The following ATP2A1 variants were observed in gnomAD, a reference collection of about 807,000 sequenced individuals.
ATP2A1 encodes the protein sarcoplasmic/endoplasmic reticulum calcium ATPase 1.
Under a neutral mutation model 109.5 loss-of-function variants are expected in ATP2A1, and 83 were observed. The observed-to-expected ratio is 0.76, with a 90% CI of 0.63 to 0.91. The LOEUF is 0.91. Among genes scored for constraint, ATP2A1 ranks in the 40% least tolerant of loss-of-function variants. The probability of loss-of-function intolerance (pLI) is 0.00; values close to 1 mark genes in which losing one functional copy is unlikely to be tolerated. For missense variants in ATP2A1, 1,101 were observed against 1,341.0 expected, an observed-to-expected ratio of 0.82 and a Z score of 2.80; for synonymous variants, 505 against 537.6, an observed-to-expected ratio of 0.94 and a Z score of 0.84.
Position 28,880,078 on chromosome 16 carries a change from A to C in ATP2A1, c.219+495A>C, listed in dbSNP as rs563737684. 40 of 999,108 alleles carry C rather than the reference A, an allele frequency of 4.0e-5. No homozygotes were observed. Among genetic ancestry groups the C allele is most frequent in the Non-Finnish European group, 4.6e-5 (39 of 840,964 alleles). The allele number at this position is 999,108 out of a possible 1,614,324, so 61.9% of individuals were successfully genotyped here. A position where few individuals can be genotyped will look rare whatever the true frequency, so the allele number is the denominator to read the frequency against. ...AGCGCGGCGGTGTGATGATGACTCCAAGGAGCCCGGCGCCCGGTCAGGGAG... is the reference window on the plus strand; with the variant it reads ...AGCGCGGCGGTGTGATGATGACTCCCAGGAGCCCGGCGCCCGGTCAGGGAG... On this transcript the variant is annotated intron_variant, in intron 3 of 22. Transcript: ENST00000395503. This position sits in a 1 kb window ranked among gnomAD's most constrained non-coding sequence, Gnocchi z 4.2.
intron 9 of ATP2A1, among the ~76,000 whole-genome samples, chr16:28,889,528 G>A (rs986012392): frequency 2.6e-5 from 4 of 152,198 alleles, no homozygotes; most frequent in African/African-American, 7.2e-5. Context: ...AAAGTGCTGG[G>A]ATGATAGGTG....
intron 15 of ATP2A1, among the ~76,000 whole-genome samples, chr16:28,901,316 G>C (rs1964065697): frequency 2.1e-5 from 3 of 143,162 alleles, no homozygotes; most frequent in African/African-American, 7.9e-5. Context: ...GCAATAGAGT[G>C]AGACCCTGTC....
chr16:28,881,408 T>C (rs1226922454), intron 4 of ATP2A1: 5 of 296,368 alleles, frequency 1.7e-5, no homozygotes, highest in Non-Finnish European at 3.3e-5. Flanking sequence ...CTTCCTGGTT[T>C]GTTTTGTTTT....
chr16:28,887,967 A>AT (rs899972546), intron 8 of ATP2A1, among the ~76,000 whole-genome samples: 1 of 151,670 alleles, frequency 6.6e-6, no homozygotes, highest in Non-Finnish European at 1.5e-5. Flanking sequence ...TGCCTGGCTA[A>AT]TTTTTTTATA....
rs769894660 is a variant in ATP2A1 at position 28,900,228 on chromosome 16, T to C, written c.1765-353T>C. On this transcript the variant is annotated intron_variant, in intron 14 of 22. Coordinates refer to ENST00000395503, the MANE Select transcript of ATP2A1 (RefSeq NM_004320.6). Reference sequence around the variant, plus strand: ...AGGTAGGAGGATCGCTTGAGCCTGGTAGATTGAGGCTGCAGTGAGCTATGA... The same window carrying C: ...AGGTAGGAGGATCGCTTGAGCCTGGCAGATTGAGGCTGCAGTGAGCTATGA... Among the ~76,000 whole-genome samples the C allele has an allele frequency of 4.0e-5, 6 of 149,386 alleles. No homozygotes were observed. The East Asian group carries it at 1.2e-3, about 30-fold the overall frequency.
Position 28,878,543 on chromosome 16 carries a change from G to A in ATP2A1, c.-129G>A. ...AGCTTTGTGGAGGGAAGAAAAACCT[G>A]GAGGGGGCAGGAGAGTAAAAAGAAG... On this transcript the variant is annotated 5_prime_UTR_variant, in exon 1 of 23. Transcript: ENST00000395503. 1 of 835,544 alleles carries A rather than the reference G, an allele frequency of 1.2e-6. No homozygotes were observed. The highest frequency in any genetic ancestry group is 2.0e-6 in the Non-Finnish European group (1 of 505,946). 51.8% of individuals were successfully genotyped at this position (835,544 alleles called of 1,614,324 possible).
In ATP2A1 at chr16:28,903,861, C is replaced by A; in HGVS notation, c.*37+120C>A. ...TCGCAGCTCCACCTGGAGCCGTTGC[C>A]ACTGCTGCTGCTGCGCTTCCAGTCA... On this transcript the variant is annotated intron_variant, in intron 22 of 22. Coordinates refer to ENST00000395503, the MANE Select transcript of ATP2A1 (RefSeq NM_004320.6). The surrounding 1 kb of genome is among the most constrained non-coding windows in gnomAD (Gnocchi z 5.6). 1.0e-6 allele frequency: 1 copy of A among 1,003,544 alleles called. No individual in the cohort carries two copies. Among genetic ancestry groups the A allele is most frequent in the Non-Finnish European group, 1.6e-6 (1 of 638,336 alleles). The allele number at this position is 1,003,544 out of a possible 1,614,324, so 62.2% of individuals were successfully genotyped here. A position where few individuals can be genotyped will look rare whatever the true frequency, so the allele number is the denominator to read the frequency against.
In ATP2A1 at chr16:28,878,749, G is replaced by A. The variant is rs886051878; in HGVS notation, c.78G>A (p.Pro26=). ...FGVSETTGLT[P]DQVKRNLEKY... is the part of the protein sequence containing the mutation. ...TGAGTGAGACCACGGGCCTCACCCC[G>A]GACCAAGTTAAGCGGAATCTGGAGA... The change falls in exon 1 of 23, where the codon CCG becomes CCA. Residue 26 remains proline, a synonymous_variant. Transcript: ENST00000395503. 3 of 1,613,738 alleles carry A rather than the reference G, an allele frequency of 1.9e-6. No individual in the cohort carries two copies. Among genetic ancestry groups the A allele is most frequent in the East Asian group, 4.5e-5 (2 of 44,880 alleles).
In ATP2A1 at chr16:28,878,572, C is replaced by A; in HGVS notation, c.-100C>A. On this transcript the variant is annotated 5_prime_UTR_variant, in exon 1 of 23. Transcript: ENST00000395503. ...GGGGCAGGAGAGTAAAAAGAAGAAACCCAGGCAGACAGGCAGTTGGACACA... is the reference window on the plus strand; with the variant it reads ...GGGGCAGGAGAGTAAAAAGAAGAAAACCAGGCAGACAGGCAGTTGGACACA... The A allele has an allele frequency of 9.7e-7, 1 of 1,030,058 alleles. No homozygotes were observed. Among genetic ancestry groups the A allele is most frequent in the East Asian group, 2.6e-5 (1 of 38,568 alleles). 63.8% of individuals were successfully genotyped at this position (1,030,058 alleles called of 1,614,324 possible).
chr16:28,903,588 G>A lies in ATP2A1; in HGVS notation c.2981-112G>A. ...CCGCCCCGTTCCCCCTGCGCCTGCA[G>A]GGGCCACATCTCCGGGGCAGCCCCA... On this transcript the variant is annotated intron_variant, in intron 21 of 22. Coordinates refer to ENST00000395503, the MANE Select transcript of ATP2A1 (RefSeq NM_004320.6). The surrounding 1 kb of genome is among the most constrained non-coding windows in gnomAD (Gnocchi z 5.6). The A allele has an allele frequency of 2.5e-6, 3 of 1,200,014 alleles. No homozygotes were observed. Among genetic ancestry groups the A allele is most frequent in the South Asian group, 2.4e-5 (2 of 82,798 alleles). 74.3% of individuals were successfully genotyped at this position (1,200,014 alleles called of 1,614,324 possible).
In ATP2A1 at chr16:28,904,216, G is replaced by T; in HGVS notation, c.*74G>T. On this transcript the variant is annotated 3_prime_UTR_variant, in exon 23 of 23. Transcript: ENST00000395503. ...GAAAGAAGGAAGTGAGCATCCTTTT[G>T]CTCTGTCCTCCCCACCCCGATAGTG... 3 of 1,613,654 alleles carry T rather than the reference G, an allele frequency of 1.9e-6. No homozygotes were observed. Among genetic ancestry groups the T allele is most frequent in the Non-Finnish European group, 2.5e-6 (3 of 1,179,746 alleles).
Position 28,900,589 on chromosome 16 carries a change from G to C in ATP2A1, c.1773G>C (p.Leu591=). ...CTGCTGTATCTCCCCAGACGGACCTGACATTCGTGGGTGTAGTGGGCATGC... is the reference window on the plus strand; with the variant it reads ...CTGCTGTATCTCCCCAGACGGACCTCACATTCGTGGGTGTAGTGGGCATGC... The part of the protein sequence containing the change: ...SARFLEYETD[L]TFVGVVGMLD... Residue 591 remains leucine, a synonymous_variant, in exon 15 of 23, where the codon CTG becomes CTC. Coordinates refer to ENST00000395503, the MANE Select transcript of ATP2A1 (RefSeq NM_004320.6). The C allele has an allele frequency of 6.4e-7, 1 of 1,564,740 alleles. No homozygotes were observed.
chr16:28,879,375 G>A, intron 2 of ATP2A1, 126 bp from the exon 3 acceptor site: 1 of 986,500 alleles, frequency 1.0e-6, no homozygotes, highest in Non-Finnish European at 1.6e-6. Flanking sequence ...GCCCTTCTCT[G>A]GGCACCAAGC....
chr16:28,880,020 G>T lies in ATP2A1; in HGVS notation c.219+437G>T. ...CTCCCCAGCCTCCTGACGCTGATTG[G>T]TCGAGGGGAGGACTCGCTCCTAGTG... On this transcript the variant is annotated intron_variant, in intron 3 of 22. Transcript: ENST00000395503. The surrounding 1 kb of genome is among the most constrained non-coding windows in gnomAD (Gnocchi z 4.2). 1 of 1,012,422 alleles carries T rather than the reference G, an allele frequency of 9.9e-7. No homozygotes were observed. The highest frequency in any genetic ancestry group is 1.2e-6 in the Non-Finnish European group (1 of 850,302). 62.7% of individuals were successfully genotyped at this position (1,012,422 alleles called of 1,614,324 possible). A position where few individuals can be genotyped will look rare whatever the true frequency, so the allele number is the denominator to read the frequency against.
chr16:28,888,013 G>A (rs569540960), intron 8 of ATP2A1, among the ~76,000 whole-genome samples: 2 of 151,918 alleles, frequency 1.3e-5, no homozygotes, highest in Non-Finnish European at 2.9e-5. Flanking sequence ...GTGTTAGCCA[G>A]GATGGTCTCG....
intron 9 of ATP2A1, among the ~76,000 whole-genome samples, chr16:28,890,279 A>G (rs1471408890): frequency 7.0e-6 from 1 of 143,178 alleles, no homozygotes. Flanking sequence ...ACATAGTGAG[A>G]GTCCGTCTCT....
intron 5 of ATP2A1, 105 bp downstream of exon 5, chr16:28,882,694 G>A (rs571100212): frequency 2.2e-5 from 34 of 1,518,506 alleles, no homozygotes; most frequent in East Asian, 1.2e-4. Context: ...GGAGGATGAC[G>A]GAGTCTGCTT....
Position 28,900,698 on chromosome 16 carries a change from A to G in ATP2A1, c.1882A>G (p.Asn628Asp), listed in dbSNP as rs1964047968. The G allele has an allele frequency of 1.2e-6, 2 of 1,613,920 alleles. No homozygotes were observed. The highest frequency in any genetic ancestry group is 1.3e-5 in the African/African-American group (1 of 74,934). ...CCGGGTGATCATGATCACTGGGGAC[A>G]ACAAGGGCACAGCCATTGCCATCTG... is the stretch of plus-strand genomic sequence containing the variant. The part of the protein sequence containing the change: ...GIRVIMITGD[N>D]KGTAIAICRR... Residue 628 changes from asparagine (N) to aspartate (D), a missense_variant, in exon 15 of 23, where the codon AAC becomes GAC. Physicochemically the swap from Asn to Asp is conservative, Grantham distance 23. Coordinates refer to ENST00000395503, the MANE Select transcript of ATP2A1 (RefSeq NM_004320.6).
At chr16:28,886,753 G>A (rs1963621349) in intron 6 of ATP2A1, among the ~76,000 whole-genome samples, 1 of 151,324 alleles carries the variant, frequency 6.6e-6, no homozygotes, top group Admixed American at 6.6e-5. Flanking sequence ...TTGGGAGGCT[G>A]AGGTGGGCGG....
Sources: gnomAD v4.1 joint callset for allele counts (sites outside exome capture counted in the v4.1 genomes callset) on GRCh38, gnomAD v4.1.1 for gene constraint, Gnocchi (gnomAD v3.1) non-coding constraint, MANE v1.5 for transcripts, NCBI Gene and HGNC (gene_info 2026-07-23, HGNC 2026-07-21) for gene names.